Variants in GRIP1 observed in about 807,000 individuals in gnomAD.
The protein encoded by GRIP1 is glutamate receptor interacting protein 1, also known as glutamate receptor-interacting protein 1.
A neutral mutation model predicts 129.9 loss-of-function variants in GRIP1; 45 were observed. The ratio of observed to expected loss-of-function variants is 0.35; its 90% CI spans 0.27 to 0.44. The LOEUF (loss-of-function observed/expected upper bound fraction) is 0.44. Ranked by LOEUF, GRIP1 falls within the 20% of genes least tolerant of loss-of-function variation. The pLI is 1.00. For missense variants in GRIP1, 1,196 were observed against 1,396.8 expected (o/e 0.86, Z 2.29); for synonymous variants, 530 against 520.8 (o/e 1.02, Z -0.24).
rs116064537 is a variant in GRIP1, at chr12:66,869,635, T to C, written c.58+199415A>G. On this transcript the variant is annotated intron_variant, in intron 1 of 1. Coordinates refer to the GRIP1 transcript ENST00000643019. The stretch of plus-strand genomic sequence containing the variant: ...GAAAATGGCAAAGAGTTGAGTGAAA[T>C]GAAAAGTGACAGATACGTATCATTG... 3.7e-3 allele frequency among the ~76,000 whole-genome samples: 563 copies of C among 152,032 alleles called. 2 individuals carry two copies. Among genetic ancestry groups the C allele is most frequent in the African/African-American group, 0.012 (495 of 41,472 alleles).
intron 1 of GRIP1, among the ~76,000 whole-genome samples, chr12:66,620,864 GT>G (rs2139966909): frequency 6.6e-6 from 1 of 152,074 alleles, no homozygotes; most frequent in Non-Finnish European, 1.5e-5. Context: ...TAAATTAAGG[GT>G]TGGTTGTAGA....
At chr12:66,451,709 G>T (rs12316089) in intron 11 of GRIP1, among the ~76,000 whole-genome samples, 1 of 151,972 alleles carries the variant, frequency 6.6e-6, no homozygotes, top group Non-Finnish European at 1.5e-5. Context: ...TGTAATCTAA[G>T]ACTTCTGTCT....
At chr12:66,528,908 A>G (rs1170822156) in intron 5 of GRIP1, among the ~76,000 whole-genome samples, 6 of 152,204 alleles carry the variant, frequency 3.9e-5, no homozygotes. Context: ...CAAAGGACTA[A>G]TATCCAGAAT....
intron 1 of GRIP1, among the ~76,000 whole-genome samples, chr12:66,937,372 G>C (rs1007054674): frequency 6.6e-6 from 1 of 152,222 alleles, no homozygotes; most frequent in African/African-American, 2.4e-5. Context: ...TAAGCTCCAT[G>C]AGAGCAAGGG....
chr12:67,009,705 A>C (rs1463141631), intron 1 of GRIP1, among the ~76,000 whole-genome samples: 2 of 152,154 alleles, frequency 1.3e-5, no homozygotes, highest in African/African-American at 2.4e-5. Context: ...ATCCTCATCC[A>C]AGACAAATCA....
chr12:66,601,584 T>C (rs1312353872), intron 1 of GRIP1, among the ~76,000 whole-genome samples: 2 of 152,198 alleles, frequency 1.3e-5, no homozygotes, highest in Non-Finnish European at 2.9e-5. Context: ...AATCGTCCTA[T>C]GCTAAACAAT....
At chr12:66,555,775 C>T (rs551872095) in intron 2 of GRIP1, among the ~76,000 whole-genome samples, 3 of 151,868 alleles carry the variant, frequency 2.0e-5, no homozygotes, top group South Asian at 2.1e-4. Flanking sequence ...ATGCAATTGA[C>T]GTACTAAAGA....
At chr12:66,810,176 C>T (rs898347802) in intron 1 of GRIP1, among the ~76,000 whole-genome samples, 2 of 152,158 alleles carry the variant, frequency 1.3e-5, no homozygotes, top group African/African-American at 4.8e-5. Flanking sequence ...AGTATATTCA[C>T]TGTACACTAA....
intron 1 of GRIP1, among the ~76,000 whole-genome samples, chr12:66,865,364 T>C (rs1295280253): frequency 6.6e-6 from 1 of 152,146 alleles, no homozygotes; most frequent in Admixed American, 6.6e-5. Context: ...TTATTCTTTT[T>C]CTCAAGATTA....
At chr12:66,848,866 T>C (rs2039863538) in intron 1 of GRIP1, among the ~76,000 whole-genome samples, 1 of 152,152 alleles carries the variant, frequency 6.6e-6, no homozygotes, top group Non-Finnish European at 1.5e-5. Flanking sequence ...TCACATCAAC[T>C]TTCTTGGTCA....
chr12:66,699,227 A>G lies in GRIP1; in HGVS notation c.-419-68891T>C, dbSNP rs113518300. Among the ~76,000 whole-genome samples, 439 of 152,330 alleles carry G rather than the reference A, an allele frequency of 2.9e-3. 1 individual carries two copies. The highest frequency in any genetic ancestry group is 0.01 in the African/African-American group (417 of 41,586). On this transcript the variant is annotated intron_variant, in intron 1 of 4. Transcript: ENST00000538373. ...AGACAGACATATATAGATAATTAAA[A>G]GCAAAAATGCAGTAAGTTAGTACCT...
At chr12:66,939,989 A>G (rs960436473) in intron 1 of GRIP1, among the ~76,000 whole-genome samples, 9 of 152,232 alleles carry the variant, frequency 5.9e-5, no homozygotes, top group African/African-American at 2.2e-4. Context: ...AAAAAATACA[A>G]TATAATTTAT....
In GRIP1 at chr12:66,995,944, T is replaced by C. The variant is rs141773951; in HGVS notation, c.58+73106A>G. The stretch of plus-strand genomic sequence containing the variant: ...ACCCAAATGTCCGTCAACTGATGAA[T>C]GGATAAATAAAACATAAAATGTGGT... On this transcript the variant is annotated intron_variant, in intron 1 of 1. Transcript: ENST00000643019. 1.6e-3 allele frequency among the ~76,000 whole-genome samples: 247 copies of C among 152,266 alleles called. 1 individual carries two copies. The highest frequency in any genetic ancestry group is 5.8e-3 in the African/African-American group (239 of 41,558).
chr12:66,588,850 TC>T (rs56005801), intron 2 of GRIP1, among the ~76,000 whole-genome samples: 23,108 of 151,658 alleles, frequency 0.15, 1,884 homozygotes, highest in East Asian at 0.27. Flanking sequence ...ACGTCTGTAA[TC>T]CCAGCTACTC....
intron 1 of GRIP1, among the ~76,000 whole-genome samples, chr12:67,029,155 AGGCT>A: frequency 6.6e-6 from 1 of 152,308 alleles, no homozygotes; most frequent in Non-Finnish European, 1.5e-5. Flanking sequence ...TCTGTCACCC[AGGCT>A]GGAGTGCAGC....
chr12:66,669,119 T>C (rs73128833), intron 1 of GRIP1, among the ~76,000 whole-genome samples: 20,574 of 151,980 alleles, frequency 0.14, 1,884 homozygotes, highest in Non-Finnish European at 0.2. Context: ...TCTTTAAAAA[T>C]TGACATCATT....
intron 2 of GRIP1, among the ~76,000 whole-genome samples, chr12:66,556,626 A>G (rs1424214221): frequency 6.6e-6 from 1 of 151,588 alleles, no homozygotes. Flanking sequence ...AGAAATAGCC[A>G]GTATGATAAA....
At chr12:66,908,208 A>G (rs562901423) in intron 1 of GRIP1, among the ~76,000 whole-genome samples, 88 of 152,290 alleles carry the variant, frequency 5.8e-4, no homozygotes, top group Non-Finnish European at 1.1e-3. Flanking sequence ...TCCATCTCAA[A>G]ACCAACAAGA....
At chr12:66,884,512 T>C (rs960564249) in intron 1 of GRIP1, among the ~76,000 whole-genome samples, 5 of 152,160 alleles carry the variant, frequency 3.3e-5, no homozygotes, top group Non-Finnish European at 7.3e-5. Context: ...CTTCCTTGAA[T>C]GGAGGATGCA....
Sources: allele counts gnomAD v4.1 joint callset (sites outside exome capture counted in the v4.1 genomes callset), GRCh38; gene constraint gnomAD v4.1.1; transcripts MANE v1.5; gene names NCBI Gene and HGNC (gene_info 2026-07-23, HGNC 2026-07-21).